SGCZ: variants seen among roughly 807,000 people sequenced by gnomAD.
The protein encoded by SGCZ is sarcoglycan zeta.
SGCZ carries 40 observed loss-of-function variants against 41.3 expected under a neutral mutation model. The observed-to-expected ratio is 0.97, with a 90% CI of 0.75 to 1.26. The LOEUF is 1.26. SGCZ is among the 50% of genes most tolerant of loss of function. SGCZ has a pLI of 0.00. For missense variants in SGCZ, 552 were observed against 369.8 expected (o/e 1.49, Z -4.04); for synonymous variants, 206 against 137.5 (o/e 1.50, Z -3.49).
intron 1 of SGCZ, among the ~76,000 whole-genome samples, chr8:15,209,590 C>T (rs1400259706): frequency 1.3e-5 from 2 of 151,130 alleles, no homozygotes; most frequent in African/African-American, 4.9e-5. Context: ...GTGGGATAGA[C>T]ATTTTGCTTA....
intron 5 of SGCZ, among the ~76,000 whole-genome samples, chr8:14,157,350 G>GTCTT (rs1803907704): frequency 7.7e-6 from 1 of 130,628 alleles, no homozygotes; most frequent in African/African-American, 2.9e-5. Flanking sequence ...GTGTGTGTGT[G>GTCTT]TGTGTGTGTG....
chr8:14,816,949 G>T (rs186392068), intron 1 of SGCZ, among the ~76,000 whole-genome samples: 1 of 152,248 alleles, frequency 6.6e-6, no homozygotes, highest in East Asian at 1.9e-4. Context: ...TTTTTAATTA[G>T]ACTGTGTCTA....
chr8:14,838,859 A>G (rs941767906), intron 1 of SGCZ, among the ~76,000 whole-genome samples: 2 of 152,236 alleles, frequency 1.3e-5, no homozygotes, highest in Non-Finnish European at 1.5e-5. Flanking sequence ...GCATTACATC[A>G]ATTAAGAGAG....
chr8:14,335,319 A>T (rs1802471369), intron 2 of SGCZ, among the ~76,000 whole-genome samples: 1 of 152,080 alleles, frequency 6.6e-6, no homozygotes, highest in African/African-American at 2.4e-5. Flanking sequence ...CTGAATTTTA[A>T]AAGACCCTAT....
rs544634772 is a variant in SGCZ at position 14,468,366 on chromosome 8, A to G, written c.234+86366T>C. 3.9e-4 allele frequency among the ~76,000 whole-genome samples: 59 copies of G among 152,234 alleles called. 1 individual carries two copies. The highest frequency in any genetic ancestry group is 1.3e-3 in the African/African-American group (56 of 41,574). Reference sequence around the variant, plus strand: ...GCATAAAGAAGTAAACTTTTATGATATGGCTAATATCAATTTATTTTAAAT... The same window carrying G: ...GCATAAAGAAGTAAACTTTTATGATGTGGCTAATATCAATTTATTTTAAAT... On this transcript the variant is annotated intron_variant, in intron 2 of 7. Coordinates refer to ENST00000382080, the MANE Select transcript of SGCZ (RefSeq NM_139167.4).
intron 1 of SGCZ, among the ~76,000 whole-genome samples, chr8:15,120,085 A>G (rs1173959331): frequency 2.0e-5 from 3 of 151,972 alleles, no homozygotes; most frequent in Admixed American, 1.3e-4. Context: ...GCCTCAAGTG[A>G]CCCTCCCACC....
At chr8:14,925,790 C>T (rs1799728612) in intron 1 of SGCZ, among the ~76,000 whole-genome samples, 1 of 152,092 alleles carries the variant, frequency 6.6e-6, no homozygotes, top group Non-Finnish European at 1.5e-5. Flanking sequence ...ACAATCAATT[C>T]CATGTCCCTT....
At chr8:15,005,445 C>G (rs900589447) in intron 1 of SGCZ, among the ~76,000 whole-genome samples, 1 of 150,934 alleles carries the variant, frequency 6.6e-6, no homozygotes, top group Non-Finnish European at 1.5e-5. Flanking sequence ...GATTCTCCTG[C>G]CTCAGCCTCC....
intron 1 of SGCZ, among the ~76,000 whole-genome samples, chr8:14,841,608 A>C (rs1011138047): frequency 6.6e-6 from 1 of 152,162 alleles, no homozygotes; most frequent in African/African-American, 2.4e-5. Flanking sequence ...TTCGGCGTTA[A>C]ACTAAGGAAT....
chr8:14,821,012 C>G (rs563910214), intron 1 of SGCZ, among the ~76,000 whole-genome samples: 1 of 149,566 alleles, frequency 6.7e-6, no homozygotes, highest in Admixed American at 6.7e-5. Flanking sequence ...AATAGCGATT[C>G]AAAAAATGAA....
chr8:14,113,113 C>G (rs963566557), intron 5 of SGCZ, among the ~76,000 whole-genome samples: 1 of 152,062 alleles, frequency 6.6e-6, no homozygotes, highest in Admixed American at 6.6e-5. Context: ...ACAACCTATA[C>G]ATTGCTGGAG....
At chr8:14,435,676 A>G (rs1305539502) in intron 2 of SGCZ, among the ~76,000 whole-genome samples, 1 of 152,226 alleles carries the variant, frequency 6.6e-6, no homozygotes, top group African/African-American at 2.4e-5. Context: ...AAAGACTGGC[A>G]TTAGATGCTG....
intron 2 of SGCZ, among the ~76,000 whole-genome samples, chr8:14,466,581 T>C (rs754761192): frequency 2.6e-5 from 4 of 151,896 alleles, no homozygotes; most frequent in Non-Finnish European, 4.4e-5. Flanking sequence ...ACTCTCACAG[T>C]GCACATATTG....
chr8:14,569,923 C>T (rs1265617087), intron 1 of SGCZ, among the ~76,000 whole-genome samples: 3 of 149,584 alleles, frequency 2.0e-5, no homozygotes, highest in Non-Finnish European at 4.4e-5. Context: ...GTGAGGAGGA[C>T]CAGAATCTCA....
At chr8:15,023,522 A>G (rs1000806156) in intron 1 of SGCZ, among the ~76,000 whole-genome samples, 2 of 152,172 alleles carry the variant, frequency 1.3e-5, no homozygotes, top group Non-Finnish European at 2.9e-5. Flanking sequence ...TACTCAAAGT[A>G]TGGGTCTCAG....
intron 2 of SGCZ, among the ~76,000 whole-genome samples, chr8:14,385,390 A>C (rs1240924041): frequency 6.6e-6 from 1 of 152,196 alleles, no homozygotes; most frequent in Non-Finnish European, 1.5e-5. Flanking sequence ...CACTAGGGTC[A>C]AGCAATTAAA....
intron 1 of SGCZ, among the ~76,000 whole-genome samples, chr8:14,564,309 G>T (rs936740114): frequency 1.5e-5 from 1 of 66,872 alleles, no homozygotes; most frequent in Non-Finnish European, 3.7e-5. Flanking sequence ...CTGTTCATTA[G>T]GTGTTGATCA....
At chr8:14,663,084 G>T (rs1041159140) in intron 1 of SGCZ, among the ~76,000 whole-genome samples, 1 of 152,106 alleles carries the variant, frequency 6.6e-6, no homozygotes. Flanking sequence ...CTTAGCCTCG[G>T]AATTATGACC....
Position 14,554,721 on chromosome 8 carries a change from G to C in SGCZ, c.234+11C>G. 2 of 1,604,634 alleles carry C rather than the reference G, an allele frequency of 1.2e-6. No homozygotes were observed. The highest frequency in any genetic ancestry group is 1.7e-6 in the Non-Finnish European group (2 of 1,173,864). On this transcript the variant is annotated intron_variant, in intron 2 of 7. Coordinates refer to ENST00000382080, the MANE Select transcript of SGCZ (RefSeq NM_139167.4). ...AAGAGCAATAAGATGTAAAATCATA[G>C]TGGTACTTACCACAGTGAAATTCAT...
Sources: gnomAD v4.1 joint callset for allele counts (sites outside exome capture counted in the v4.1 genomes callset) on GRCh38, gnomAD v4.1.1 for gene constraint, MANE v1.5 for transcripts, NCBI Gene and HGNC (gene_info 2026-07-23, HGNC 2026-07-21) for gene names.